Variants in ANO2 observed in about 807,000 individuals in gnomAD.
ANO2 encodes anoctamin-2.
In ANO2, 101 loss-of-function variants were observed where a neutral mutation model predicts 124.2. That is an observed-to-expected ratio of 0.81 (90% confidence interval 0.69 to 0.96). The LOEUF (loss-of-function observed/expected upper bound fraction) is 0.96, where lower values mean the gene tolerates loss of function less well. Among genes scored for constraint, ANO2 ranks in the 40% least tolerant of loss-of-function variants. The pLI, the probability that ANO2 is intolerant of heterozygous loss-of-function variation, is 0.00. For missense variants in ANO2, 1,293 were observed against 1,274.5 expected, an observed-to-expected ratio of 1.01 and a Z score of -0.22; for synonymous variants, 486 against 482.5, an observed-to-expected ratio of 1.01 and a Z score of -0.09.
rs774341153 is a variant in ANO2, at chr12:5,732,647, T to C, written c.1435-17A>G. ...GGAATGTTCCTAAACCAAAGAGCAGTGAGTGGTTAGTAAACAAAAGGAAGA... is the reference window on the plus strand; with the variant it reads ...GGAATGTTCCTAAACCAAAGAGCAGCGAGTGGTTAGTAAACAAAAGGAAGA... On this transcript the variant is annotated splice_polypyrimidine_tract_variant and intron_variant, in intron 13 of 24. Coordinates refer to ENST00000682330, the MANE Select transcript of ANO2 (RefSeq NM_001364791.2). The C allele has an allele frequency of 1.2e-6, 2 of 1,606,420 alleles. No homozygotes were observed. The highest frequency in any genetic ancestry group is 1.1e-5 in the South Asian group (1 of 90,594).
intron 24 of ANO2, among the ~76,000 whole-genome samples, chr12:5,564,087 G>A (rs1239347339): frequency 6.6e-6 from 1 of 152,180 alleles, no homozygotes; most frequent in African/African-American, 2.4e-5. Flanking sequence ...CGGACTTGAG[G>A]TTTTTGCCTT....
chr12:5,621,717 T>A (rs969861824), intron 16 of ANO2, among the ~76,000 whole-genome samples: 2 of 152,142 alleles, frequency 1.3e-5, no homozygotes, highest in Non-Finnish European at 2.9e-5. Context: ...GACTGGGTTC[T>A]ACTTCCAGAT....
intron 20 of ANO2, among the ~76,000 whole-genome samples, chr12:5,592,230 A>ATCAGG (rs1943430322): frequency 6.6e-6 from 1 of 152,176 alleles, no homozygotes; most frequent in African/African-American, 2.4e-5. Flanking sequence ...TCATTGTGTT[A>ATCAGG]TCAGGTTCTA....
At position 5,750,940 on chromosome 12, in the gene ANO2, A is replaced by G; in HGVS notation, c.1086T>C (p.Tyr362=). The change falls in exon 11 of 25, where the codon TAT becomes TAC. Residue 362 remains tyrosine (Y), a synonymous_variant. Transcript: ENST00000682330. ...ATGTATATAATCCCAGCCAGGCAAA[A>G]TACAGTCCAATTTTTTCTCCAAAAT... is the stretch of plus-strand genomic sequence containing the variant. ...RKYFGEKIGL[Y]FAWLGLYTSF... 2 of 1,606,254 alleles carry G rather than the reference A, an allele frequency of 1.2e-6. No homozygotes were observed. The highest frequency in any genetic ancestry group is 1.7e-6 in the Non-Finnish European group (2 of 1,176,156).
intron 4 of ANO2, among the ~76,000 whole-genome samples, chr12:5,833,927 C>T (rs1331239440): frequency 6.6e-6 from 1 of 152,128 alleles, no homozygotes; most frequent in Non-Finnish European, 1.5e-5. Context: ...CCTTGGTCCG[C>T]CTTATCCCTT....
At chr12:5,614,555 A>G (rs1944701041) in intron 17 of ANO2, among the ~76,000 whole-genome samples, 1 of 151,886 alleles carries the variant, frequency 6.6e-6, no homozygotes. Flanking sequence ...ATGATTAAGA[A>G]CCTCCTAAAC....
chr12:5,916,890 C>T (rs1308569380), intron 3 of ANO2, among the ~76,000 whole-genome samples: 1 of 152,110 alleles, frequency 6.6e-6, no homozygotes, highest in Non-Finnish European at 1.5e-5. Flanking sequence ...GTAAACTCAA[C>T]GCTTTACACG....
intron 16 of ANO2, among the ~76,000 whole-genome samples, chr12:5,619,201 T>A (rs1385989625): frequency 2.0e-5 from 3 of 152,208 alleles, no homozygotes; most frequent in Non-Finnish European, 4.4e-5. Flanking sequence ...GGGACTAAGC[T>A]GCCAGAGAAA....
intron 3 of ANO2, among the ~76,000 whole-genome samples, chr12:5,887,646 G>A (rs1375105967): frequency 6.6e-6 from 1 of 152,154 alleles, no homozygotes; most frequent in Non-Finnish European, 1.5e-5. Context: ...CACTGTATAC[G>A]GCTTTCGAAA....
chr12:5,775,347 A>C (rs1217764517), intron 10 of ANO2, among the ~76,000 whole-genome samples: 1 of 152,180 alleles, frequency 6.6e-6, no homozygotes, highest in Non-Finnish European at 1.5e-5. Context: ...TCTTAACCCA[A>C]AAGGTCACAT....
chr12:5,916,491 TTA>T (rs1565776494), intron 3 of ANO2, among the ~76,000 whole-genome samples: 1 of 98,084 alleles, frequency 1.0e-5, no homozygotes, highest in South Asian at 4.0e-4. Context: ...TCGCAGCAGG[TTA>T]AAAAAAAAAA....
intron 3 of ANO2, among the ~76,000 whole-genome samples, chr12:5,901,625 C>G (rs1198324243): frequency 6.6e-6 from 1 of 152,162 alleles, no homozygotes; most frequent in African/African-American, 2.4e-5. Context: ...CTGCAGAATA[C>G]GGTGAGTGGA....
At chr12:5,696,488 C>A (rs1269684951) in intron 14 of ANO2, among the ~76,000 whole-genome samples, 1 of 152,122 alleles carries the variant, frequency 6.6e-6, no homozygotes, top group African/African-American at 2.4e-5. Context: ...AATTAAAAAT[C>A]TGCTCACAAA....
intron 23 of ANO2, among the ~76,000 whole-genome samples, chr12:5,567,169 C>G: frequency 6.6e-6 from 1 of 152,200 alleles, no homozygotes; most frequent in East Asian, 1.9e-4. Flanking sequence ...CCGACTCCCC[C>G]TCTCCCAACA....
intron 23 of ANO2, 73 bp from the exon 24 acceptor site, chr12:5,565,736 C>T (rs532124189): frequency 1.6e-6 from 2 of 1,262,922 alleles, no homozygotes; most frequent in South Asian, 1.4e-5. Flanking sequence ...TGGGTGAAAC[C>T]TCGAGGGCTG....
At chr12:5,928,495 G>A (rs879810263) in intron 1 of ANO2, among the ~76,000 whole-genome samples, 15,857 of 134,610 alleles carry the variant, frequency 0.12, 5,521 homozygotes, top group East Asian at 0.33. Context: ...CTTCCTCACT[G>A]GTCTACTTTC....
At chr12:5,935,472 AT>A (rs1481129534) in intron 1 of ANO2, among the ~76,000 whole-genome samples, 1 of 152,154 alleles carries the variant, frequency 6.6e-6, no homozygotes, top group African/African-American at 2.4e-5. Flanking sequence ...TACATTTTTT[AT>A]TTTCTCATAA....
At chr12:5,663,228 A>C (rs1307075646) in intron 14 of ANO2, among the ~76,000 whole-genome samples, 1 of 152,226 alleles carries the variant, frequency 6.6e-6, no homozygotes, top group Admixed American at 6.5e-5. Flanking sequence ...GGCAGAAGCA[A>C]GTCTGTGTCC....
chr12:5,774,845 A>G (rs530594397), intron 10 of ANO2, among the ~76,000 whole-genome samples: 64 of 152,288 alleles, frequency 4.2e-4, no homozygotes, highest in Non-Finnish European at 8.5e-4. Flanking sequence ...TGCATTTCTC[A>G]CCTTAGAAAT....
Sources: gnomAD v4.1 joint callset for allele counts (sites outside exome capture counted in the v4.1 genomes callset) on GRCh38, gnomAD v4.1.1 for gene constraint, MANE v1.5 for transcripts, NCBI Gene and HGNC (gene_info 2026-07-23, HGNC 2026-07-21) for gene names.